DAB1: variants seen among roughly 807,000 people sequenced by gnomAD.
DAB1 encodes disabled homolog 1.
In DAB1, 15 loss-of-function variants were observed where a neutral mutation model predicts 64.6. The observed-to-expected ratio is 0.23, with a 90% CI of 0.16 to 0.36. The LOEUF is 0.36. Ranked by LOEUF, DAB1 falls within the 10% of genes least tolerant of loss-of-function variation. The pLI, the probability that DAB1 is intolerant of heterozygous loss-of-function variation, is 1.00. For missense variants in DAB1, 596 were observed against 706.7 expected, an observed-to-expected ratio of 0.84 and a Z score of 1.78; for synonymous variants, 235 against 251.9, an observed-to-expected ratio of 0.93 and a Z score of 0.64.
chr1:57,418,265 T>C (rs1418054402), intron 1 of DAB1, among the ~76,000 whole-genome samples: 2 of 152,194 alleles, frequency 1.3e-5, no homozygotes, highest in Non-Finnish European at 2.9e-5. Flanking sequence ...AGCTTTTCAA[T>C]TATTTTCAGT....
At chr1:57,783,903 C>T (rs74327673) in intron 6 of DAB1, among the ~76,000 whole-genome samples, 1,782 of 152,242 alleles carry the variant, frequency 0.012, 27 homozygotes, top group African/African-American at 0.042. Context: ...CCCAATCTCT[C>T]TCCTTCTCTT....
chr1:57,991,837 C>T lies in DAB1; in HGVS notation n.388-107675G>A, dbSNP rs563114418. ...CTCCAGCCTGGGCAACAGATTGAGG[C>T]TCTGTCTCAAAAAAAAAAAAAAAAA... On this transcript the variant is annotated intron_variant and non_coding_transcript_variant, in intron 5 of 20. Coordinates refer to the DAB1 transcript ENST00000485760. Among the ~76,000 whole-genome samples, 4 of 93,008 alleles carry T rather than the reference C, an allele frequency of 4.3e-5. No individual in the cohort carries two copies. In the South Asian group the frequency reaches 1.4e-3, roughly 33 times the overall value. 61.0% of individuals were successfully genotyped at this position (93,008 alleles called of 152,430 possible).
At chr1:57,159,417 G>C (rs967194748) in intron 2 of DAB1, among the ~76,000 whole-genome samples, 1 of 152,090 alleles carries the variant, frequency 6.6e-6, no homozygotes, top group African/African-American at 2.4e-5. Context: ...ATCCCTGGTG[G>C]TGGTTCCCAC....
At chr1:58,183,116 G>A (rs1343992152) in intron 4 of DAB1, among the ~76,000 whole-genome samples, 1 of 151,872 alleles carries the variant, frequency 6.6e-6, no homozygotes, top group Admixed American at 6.6e-5. Context: ...GATTACCCCT[G>A]GTAAGCATAG....
intron 7 of DAB1, among the ~76,000 whole-genome samples, chr1:57,620,189 G>A (rs1645839211): frequency 1.3e-5 from 2 of 152,116 alleles, no homozygotes; most frequent in Non-Finnish European, 1.5e-5. Context: ...GCCCCGAAAG[G>A]AGAACCTCCC....
intron 1 of DAB1, among the ~76,000 whole-genome samples, chr1:57,393,682 T>C (rs1356390959): frequency 6.6e-6 from 1 of 151,980 alleles, no homozygotes; most frequent in Non-Finnish European, 1.5e-5. Flanking sequence ...TCAAAAGAAA[T>C]AGATCTGGGC....
chr1:57,492,397 T>C (rs1644176336), intron 7 of DAB1, among the ~76,000 whole-genome samples: 1 of 152,204 alleles, frequency 6.6e-6, no homozygotes, highest in African/African-American at 2.4e-5. Flanking sequence ...GGGGTGGTGC[T>C]CTAATATACA....
chr1:57,908,884 A>C (rs1372536608), intron 5 of DAB1, among the ~76,000 whole-genome samples: 1 of 152,236 alleles, frequency 6.6e-6, no homozygotes, highest in Non-Finnish European at 1.5e-5. Context: ...TATAGGAATT[A>C]TCACAAAGAA....
At chr1:58,136,121 C>T (rs1314466394) in intron 5 of DAB1, among the ~76,000 whole-genome samples, 2 of 152,078 alleles carry the variant, frequency 1.3e-5, no homozygotes, top group African/African-American at 4.8e-5. Flanking sequence ...CATAGCAGTG[C>T]CCAAGACTCC....
intron 2 of DAB1, among the ~76,000 whole-genome samples, chr1:57,280,008 G>T (rs1028673670): frequency 1.3e-5 from 2 of 152,182 alleles, no homozygotes; most frequent in African/African-American, 4.8e-5. Context: ...TATTTGGTAA[G>T]AGGACATATC....
intron 5 of DAB1, among the ~76,000 whole-genome samples, chr1:57,966,918 A>C (rs1645679642): frequency 6.6e-6 from 1 of 152,172 alleles, no homozygotes; most frequent in Non-Finnish European, 1.5e-5. Context: ...CTTTGCATAG[A>C]CCTGTTGAAC....
chr1:57,979,734 A>G (rs1454014243), intron 5 of DAB1, among the ~76,000 whole-genome samples: 1 of 152,090 alleles, frequency 6.6e-6, no homozygotes, highest in African/African-American at 2.4e-5. Flanking sequence ...TTGATAACCC[A>G]CCTAAGTCTC....
intron 2 of DAB1, among the ~76,000 whole-genome samples, chr1:57,268,887 GAA>G (rs1041797572): frequency 6.6e-6 from 1 of 152,176 alleles, no homozygotes; most frequent in Admixed American, 6.5e-5. Context: ...TGGAGAAGTT[GAA>G]AAGTCAGGGA....
At chr1:57,555,848 A>C (rs1043599976) in intron 7 of DAB1, among the ~76,000 whole-genome samples, 6 of 152,222 alleles carry the variant, frequency 3.9e-5, no homozygotes, top group Non-Finnish European at 5.9e-5. Flanking sequence ...GAAACATGAT[A>C]TGAAATCCAT....
intron 3 of DAB1, among the ~76,000 whole-genome samples, chr1:58,495,029 A>G (rs1645772519): frequency 6.6e-6 from 1 of 152,228 alleles, no homozygotes; most frequent in Non-Finnish European, 1.5e-5. Flanking sequence ...CAAACGTCCA[A>G]CAATGATAGA....
chr1:57,900,668 A>G (rs185872531), intron 5 of DAB1, among the ~76,000 whole-genome samples: 1 of 152,300 alleles, frequency 6.6e-6, no homozygotes, highest in African/African-American at 2.4e-5. Flanking sequence ...GTCAGCATTT[A>G]TGTCTTTGAC....
chr1:58,145,918 A>T (rs1004842009), intron 5 of DAB1, among the ~76,000 whole-genome samples: 1 of 152,204 alleles, frequency 6.6e-6, no homozygotes, highest in African/African-American at 2.4e-5. Context: ...CACCCATGAG[A>T]TAGCAAGACT....
Position 58,414,937 on chromosome 1 carries a change from C to G in DAB1, n.258-71534G>C, listed in dbSNP as rs144756005. 2.6e-5 allele frequency among the ~76,000 whole-genome samples: 4 copies of G among 152,110 alleles called. No homozygotes were observed. The South Asian group carries it at 6.3e-4, about 24-fold the overall frequency. ...TTAATAATAGAAAATATTTGGGTAACAACAAATGTGTCACAAGGTTGCGTG... is the reference window on the plus strand; with the variant it reads ...TTAATAATAGAAAATATTTGGGTAAGAACAAATGTGTCACAAGGTTGCGTG... On this transcript the variant is annotated intron_variant and non_coding_transcript_variant, in intron 3 of 20. Transcript: ENST00000485760.
chr1:57,508,668 C>T (rs1378917310), intron 7 of DAB1, among the ~76,000 whole-genome samples: 1 of 152,072 alleles, frequency 6.6e-6, no homozygotes, highest in Admixed American at 6.6e-5. Context: ...ACTTTATTTA[C>T]AAAAAACAGG....
Sources: allele counts gnomAD v4.1 joint callset (sites outside exome capture counted in the v4.1 genomes callset), GRCh38; gene constraint gnomAD v4.1.1; transcripts MANE v1.5; gene names NCBI Gene and HGNC (gene_info 2026-07-23, HGNC 2026-07-21).